RELN: variants seen among roughly 807,000 people sequenced by gnomAD.
RELN encodes reelin.
Under a neutral mutation model 427.6 loss-of-function variants are expected in RELN, and 108 were observed. The observed-to-expected ratio is 0.25, with a 90% CI of 0.22 to 0.30. The LOEUF (loss-of-function observed/expected upper bound fraction) is 0.30. Ranked by LOEUF, RELN falls within the 10% of genes least tolerant of loss-of-function variation. RELN has a pLI of 1.00. For missense variants in RELN, 3,715 were observed against 4,302.8 expected (o/e 0.86, Z 3.82); for synonymous variants, 1,524 against 1,513.4 (o/e 1.01, Z -0.16).
In RELN at chr7:103,824,385, C is replaced by G. The variant is rs1404886734; in HGVS notation, c.473+9152G>C. 6.6e-6 allele frequency among the ~76,000 whole-genome samples: 1 copy of G among 151,958 alleles called. No individual in the cohort carries two copies. The highest frequency in any genetic ancestry group is 1.5e-5 in the Non-Finnish European group (1 of 67,970). On this transcript the variant is annotated intron_variant, in intron 3 of 64. Transcript: ENST00000428762. This position sits in a 1 kb window ranked among gnomAD's most constrained non-coding sequence, Gnocchi z 4.4. ...GATGACAAATTTCTTTGCTGTTTTC[C>G]CAGTCAGGCTTCAATCAGTGGGCCC...
intron 19 of RELN, among the ~76,000 whole-genome samples, chr7:103,634,424 A>G (rs910701415): frequency 6.6e-6 from 1 of 152,202 alleles, no homozygotes. Flanking sequence ...GAGTAGCTCA[A>G]TAAGTTTTAG....
At chr7:103,847,093 C>T (rs1344773735) in intron 2 of RELN, among the ~76,000 whole-genome samples, 2 of 152,202 alleles carry the variant, frequency 1.3e-5, no homozygotes, top group Admixed American at 6.5e-5. Context: ...GGTTATAAAT[C>T]ATTCCACTAT....
At chr7:103,512,388 T>C (rs990242046) in intron 50 of RELN, among the ~76,000 whole-genome samples, 1 of 152,214 alleles carries the variant, frequency 6.6e-6, no homozygotes, top group Admixed American at 6.5e-5. Flanking sequence ...ACCTTGGTAA[T>C]GTTCTTAATA....
chr7:103,501,263 G>T (rs1406125508), intron 52 of RELN, among the ~76,000 whole-genome samples: 1 of 152,170 alleles, frequency 6.6e-6, no homozygotes, highest in Non-Finnish European at 1.5e-5. Flanking sequence ...TGGTCATGAT[G>T]CAATTTAGAT....
intron 4 of RELN, among the ~76,000 whole-genome samples, chr7:103,767,056 G>T (rs1001867777): frequency 3.9e-5 from 6 of 152,258 alleles, no homozygotes; most frequent in Non-Finnish European, 7.4e-5. Context: ...GTTTGAAGAG[G>T]GTATGCCAAG....
At chr7:103,730,979 G>C (rs764982186) in intron 6 of RELN, among the ~76,000 whole-genome samples, 1 of 152,006 alleles carries the variant, frequency 6.6e-6, no homozygotes, top group Non-Finnish European at 1.5e-5. Context: ...CTGATACAAG[G>C]ACCAATGAAA....
intron 41 of RELN, among the ~76,000 whole-genome samples, chr7:103,546,546 A>G (rs1830300991): frequency 6.6e-6 from 1 of 152,214 alleles, no homozygotes; most frequent in African/African-American, 2.4e-5. Flanking sequence ...ATGGTAAATG[A>G]CAATCTTTTA....
chr7:103,874,859 T>G (rs1318246996), intron 2 of RELN, among the ~76,000 whole-genome samples: 10 of 148,000 alleles, frequency 6.8e-5, no homozygotes, highest in African/African-American at 2.4e-4. Context: ...AAAAACTACT[T>G]TAAAGTTCAT....
chr7:103,611,727 T>C lies in RELN; in HGVS notation c.2779A>G (p.Met927Val), dbSNP rs546154419. Residue 927 changes from methionine to valine, a missense_variant, in exon 21 of 65, where the codon ATG (methionine) becomes GTG (valine). By Grantham distance (21) the Met-to-Val change is conservative. Transcript: ENST00000428762. Reference protein sequence around the residue: ...TQSMQIGASYMIQFSLVMGCG... With the variant: ...TQSMQIGASYVIQFSLVMGCG... ...CCCATCACCAAACTGAACTGAATCA[T>C]ATAGGATGCTCCTATCTGCATTGAT... is the stretch of plus-strand genomic sequence containing the variant. 1.7e-5 allele frequency: 27 copies of C among 1,613,504 alleles called. No individual in the cohort carries two copies. In the East Asian group the frequency reaches 5.8e-4, roughly 35 times the overall value.
chr7:103,967,964 T>G (rs1796691486), intron 1 of RELN, among the ~76,000 whole-genome samples: 1 of 151,566 alleles, frequency 6.6e-6, no homozygotes. Flanking sequence ...ACAATTTCCT[T>G]TGGGTTTGAT....
At chr7:103,499,981 A>G (rs1828971332) in intron 53 of RELN, among the ~76,000 whole-genome samples, 1 of 152,226 alleles carries the variant, frequency 6.6e-6, no homozygotes, top group African/African-American at 2.4e-5. Context: ...TATTTAAAAA[A>G]TGTTCAATTC....
At chr7:103,758,550 T>C (rs1371142875) in intron 4 of RELN, among the ~76,000 whole-genome samples, 1 of 151,826 alleles carries the variant, frequency 6.6e-6, no homozygotes, top group Non-Finnish European at 1.5e-5. Flanking sequence ...TCTTTAAAAC[T>C]ATCAATACAA....
rs572916213 is a variant in RELN at position 103,834,697 on chromosome 7, A to G, written c.338-1025T>C. Among the ~76,000 whole-genome samples, 7 of 152,334 alleles carry G rather than the reference A, an allele frequency of 4.6e-5. No homozygotes were observed. The East Asian group carries it at 1.2e-3, about 25-fold the overall frequency. On this transcript the variant is annotated intron_variant, in intron 2 of 64. Transcript: ENST00000428762. ...GGATGACAAATAATCATATGAAAAG[A>G]TATTCAGGATCATATGTCATTAGGG...
At chr7:103,688,430 G>T (rs1833806812) in intron 10 of RELN, among the ~76,000 whole-genome samples, 1 of 151,972 alleles carries the variant, frequency 6.6e-6, no homozygotes, top group Non-Finnish European at 1.5e-5. Flanking sequence ...TTTTTTCTGA[G>T]GTGCCCAATT....
chr7:103,488,675 A>G (rs1453507625), intron 60 of RELN, among the ~76,000 whole-genome samples: 2 of 152,214 alleles, frequency 1.3e-5, no homozygotes, highest in Non-Finnish European at 2.9e-5. Flanking sequence ...TCCTCCTTGG[A>G]TAAATCTCTC....
intron 1 of RELN, among the ~76,000 whole-genome samples, chr7:103,921,988 A>G (rs781111935): frequency 9.2e-5 from 14 of 152,148 alleles, no homozygotes; most frequent in African/African-American, 1.2e-4. Flanking sequence ...TCATTCACAG[A>G]CTACTTTCCC....
At chr7:103,576,826 C>T (rs1222249503) in intron 28 of RELN, among the ~76,000 whole-genome samples, 1 of 152,224 alleles carries the variant, frequency 6.6e-6, no homozygotes, top group Non-Finnish European at 1.5e-5. Context: ...CACTAGTGGG[C>T]TGGGCTACTG....
chr7:103,561,509 G>T (rs1283736964), intron 36 of RELN, 23 bp downstream of exon 36: 1 of 1,573,154 alleles, frequency 6.4e-7, no homozygotes, highest in South Asian at 1.1e-5. Context: ...ATGTTGGGAA[G>T]GAGAATCTTA....
chr7:103,855,151 A>G (rs1199951651), intron 2 of RELN, among the ~76,000 whole-genome samples: 1 of 152,242 alleles, frequency 6.6e-6, no homozygotes. Context: ...ACAGGTCTTG[A>G]AAGAAAGAGT....
Sources: allele counts gnomAD v4.1 joint callset (sites outside exome capture counted in the v4.1 genomes callset), GRCh38; gene constraint gnomAD v4.1.1; non-coding constraint Gnocchi (gnomAD v3.1); transcripts MANE v1.5; gene names NCBI Gene and HGNC (gene_info 2026-07-23, HGNC 2026-07-21).